The following KIAA0753 variants were observed in gnomAD, a reference collection of about 807,000 sequenced individuals.
The protein encoded by KIAA0753 is protein moonraker.
Under a neutral mutation model 116.9 loss-of-function variants are expected in KIAA0753, and 114 were observed. That is an observed-to-expected ratio of 0.98 (90% CI 0.84 to 1.14). KIAA0753 has a LOEUF of 1.14. Ranked by LOEUF, KIAA0753 falls within the 50% of genes most tolerant of loss-of-function variation. KIAA0753 has a pLI of 0.00. For synonymous variants in KIAA0753, 405 were observed against 413.1 expected (o/e 0.98, Z 0.24); for missense variants, 1,156 against 1,172.4 (o/e 0.99, Z 0.20).
At chr17:6,610,292 A>C in intron 8 of KIAA0753, 132 bp from the exon 9 acceptor site, 1 of 703,434 alleles carries the variant, frequency 1.4e-6, no homozygotes, top group South Asian at 2.4e-5. Flanking sequence ...AGTAGAAAGC[A>C]CTGTGGCAGA....
chr17:6,616,389 T>C (rs1970935575), intron 7 of KIAA0753, among the ~76,000 whole-genome samples: 1 of 151,592 alleles, frequency 6.6e-6, no homozygotes, highest in African/African-American at 2.4e-5. Context: ...TAGCCTTTTC[T>C]TAATAACTTG....
rs1291771539 is a variant in KIAA0753 at position 6,639,532 on chromosome 17, G to A, written c.-69+1105C>T. ...CAAAGCCCCAGGCACACTCGCAGGA[G>A]GCACCCTCCCAGCCTGTCCCTGTCC... On this transcript the variant is annotated intron_variant, in intron 1 of 18. Coordinates refer to ENST00000361413, the MANE Select transcript of KIAA0753 (RefSeq NM_014804.3). This position sits in a 1 kb window ranked among gnomAD's most constrained non-coding sequence, Gnocchi z 4.3. 51 of 152,724 alleles carry A rather than the reference G, an allele frequency of 3.3e-4. No homozygotes were observed. Among genetic ancestry groups the A allele is most frequent in the Non-Finnish European group, 1.5e-5 (1 of 68,364 alleles). The allele number at this position is 152,724 out of a possible 1,614,324, so 9.5% of individuals were successfully genotyped here. A position where few individuals can be genotyped will look rare whatever the true frequency, so the allele number is the denominator to read the frequency against.
chr17:6,628,781 T>C, intron 2 of KIAA0753, 40 bp from the exon 3 acceptor site: 1 of 1,537,844 alleles, frequency 6.5e-7, no homozygotes, highest in African/African-American at 1.4e-5. Context: ...ATCAGAAAAA[T>C]TTCATATTGC....
In KIAA0753 at chr17:6,599,248, G is replaced by T. The variant is rs777384286; in HGVS notation, c.2161C>A (p.Pro721Thr). The change falls in exon 14 of 19, where the codon CCT becomes ACT. Residue 721 changes from proline to threonine, a missense_variant. By Grantham distance (38) the Pro-to-Thr change is conservative. Transcript: ENST00000361413. Reference sequence around the variant, plus strand: ...CACACAACGCATACCTCCTGTGCAGGCTGGGCTTTCGCTGTGTTTACTGAC... The same window carrying T: ...CACACAACGCATACCTCCTGTGCAGTCTGGGCTTTCGCTGTGTTTACTGAC... ...GSSVNTAKAQ[P>T]AQEVAAVDFE... is the part of the protein sequence containing the mutation. The T allele has an allele frequency of 1.2e-6, 2 of 1,612,688 alleles. No individual in the cohort carries two copies. Among genetic ancestry groups the T allele is most frequent in the Middle Eastern group, 1.7e-4 (1 of 6,056 alleles).
At chr17:6,628,786 T>C (rs1212601136) in intron 2 of KIAA0753, 45 bp from the exon 3 acceptor site, 8 of 1,529,398 alleles carry the variant, frequency 5.2e-6, no homozygotes, top group Middle Eastern at 1.8e-4. Context: ...AAAAATTTCA[T>C]ATTGCACAGT....
intron 12 of KIAA0753, among the ~76,000 whole-genome samples, chr17:6,602,811 A>G (rs1405382032): frequency 6.6e-6 from 1 of 152,220 alleles, no homozygotes; most frequent in Non-Finnish European, 1.5e-5. Context: ...AAACTAAAAT[A>G]CTAATTCCAA....
At position 6,606,992 on chromosome 17, in the gene KIAA0753, C is replaced by A. The variant is rs765963326; in HGVS notation, c.1920-30G>T. ...AGAACAGTATCAAGAGTCACCCCAA[C>A]TCTCCTCAAGGCAGAGTCAGGGCTC... On this transcript the variant is annotated intron_variant, in intron 11 of 18. Transcript: ENST00000361413. 3.1e-6 allele frequency: 5 copies of A among 1,600,982 alleles called. 1 individual carries two copies. The South Asian group carries it at 5.5e-5, about 18-fold the overall frequency.
At chr17:6,605,339 CCT>C (rs1456244053) in intron 12 of KIAA0753, among the ~76,000 whole-genome samples, 1 of 152,178 alleles carries the variant, frequency 6.6e-6, no homozygotes, top group African/African-American at 2.4e-5. Context: ...CAGCGCAGCC[CCT>C]CTCCTGACAA....
intron 12 of KIAA0753, among the ~76,000 whole-genome samples, chr17:6,605,354 C>A (rs554979053): frequency 6.6e-6 from 1 of 152,344 alleles, no homozygotes; most frequent in South Asian, 2.1e-4. Flanking sequence ...CCTGACAAGG[C>A]TTCCTCCCGA....
At chr17:6,636,316 G>A (rs1972317157) in intron 1 of KIAA0753, 1 of 152,190 alleles carries the variant, frequency 6.6e-6, no homozygotes, top group African/African-American at 2.4e-5. Flanking sequence ...GCTTGACGTT[G>A]GCACAGGTGG....
At chr17:6,634,205 C>T (rs1212611816) in intron 2 of KIAA0753, among the ~76,000 whole-genome samples, 1 of 151,110 alleles carries the variant, frequency 6.6e-6, no homozygotes, top group African/African-American at 2.4e-5. Context: ...CAGGTTCAAG[C>T]GATTCTCCTG....
chr17:6,580,551 C>T (rs941998713), intron 18 of KIAA0753, among the ~76,000 whole-genome samples: 7 of 152,046 alleles, frequency 4.6e-5, no homozygotes, highest in Admixed American at 2.6e-4. Flanking sequence ...CTCCTGACCT[C>T]GTGATCCGCC....
chr17:6,620,956 C>G lies in KIAA0753; in HGVS notation c.1147G>C (p.Val383Leu). Residue 383 changes from valine to leucine, a missense_variant, in exon 7 of 19, where the codon GTG (valine) becomes CTG (leucine). Transcript: ENST00000361413. ...LLEKKLSPKK[V>L]KKCFSEIRSR... ...CGAATTTCACTGAAACATTTTTTCA[C>G]CTTTTTTGGTGACAGTTTCTTTTCC... 1 of 1,613,954 alleles carries G rather than the reference C, an allele frequency of 6.2e-7. No homozygotes were observed. The highest frequency in any genetic ancestry group is 8.5e-7 in the Non-Finnish European group (1 of 1,180,000).
At chr17:6,594,604 A>G (rs1372537245) in intron 16 of KIAA0753, among the ~76,000 whole-genome samples, 1 of 152,258 alleles carries the variant, frequency 6.6e-6, no homozygotes, top group Non-Finnish European at 1.5e-5. Context: ...AGGGGTTTGC[A>G]TAACAGACAT....
intron 12 of KIAA0753, chr17:6,601,111 C>T (rs1207932472): frequency 1.3e-5 from 2 of 152,466 alleles, no homozygotes; most frequent in Admixed American, 1.3e-4. Context: ...ATTTGTACTG[C>T]TGACTTAGGC....
At chr17:6,615,636 A>AAC (rs1567569266) in intron 7 of KIAA0753, among the ~76,000 whole-genome samples, 2 of 151,338 alleles carry the variant, frequency 1.3e-5, no homozygotes, top group East Asian at 1.9e-4. Flanking sequence ...AAAAAAAAAA[A>AAC]AAAAAACCTA....
At chr17:6,593,856 G>T (rs1415179792) in intron 16 of KIAA0753, among the ~76,000 whole-genome samples, 1 of 152,200 alleles carries the variant, frequency 6.6e-6, no homozygotes, top group Non-Finnish European at 1.5e-5. Flanking sequence ...CTGCACTCCA[G>T]CCTGGGGAAC....
At chr17:6,582,250 T>C (rs1317471356) in intron 18 of KIAA0753, among the ~76,000 whole-genome samples, 2 of 152,234 alleles carry the variant, frequency 1.3e-5, no homozygotes, top group Non-Finnish European at 2.9e-5. Flanking sequence ...AGTTATGTGT[T>C]TACAGTTCTT....
intron 7 of KIAA0753, among the ~76,000 whole-genome samples, chr17:6,617,999 G>T (rs1485762923): frequency 6.6e-6 from 1 of 152,194 alleles, no homozygotes; most frequent in Non-Finnish European, 1.5e-5. Flanking sequence ...CTACTCAGGA[G>T]GCTGAGGCAG....
Sources: allele counts gnomAD v4.1 joint callset (sites outside exome capture counted in the v4.1 genomes callset), GRCh38; gene constraint gnomAD v4.1.1; non-coding constraint Gnocchi (gnomAD v3.1); transcripts MANE v1.5; gene names NCBI Gene and HGNC (gene_info 2026-07-23, HGNC 2026-07-21).